Variants in WWOX observed in about 807,000 individuals in gnomAD.
The protein encoded by WWOX is WW domain-containing oxidoreductase.
WWOX carries 69 observed loss-of-function variants against 46.2 expected under a neutral mutation model. The observed-to-expected ratio is 1.49, with a 90% CI of 1.23 to 1.82. The LOEUF (loss-of-function observed/expected upper bound fraction) is 1.82, where lower values mean the gene tolerates loss of function less well. Among genes scored for constraint, WWOX ranks in the 40% most tolerant of loss-of-function variants. The pLI, the probability that WWOX is intolerant of heterozygous loss-of-function variation, is 0.00. For missense variants in WWOX, 919 were observed against 542.6 expected, an observed-to-expected ratio of 1.69 and a Z score of -6.89; for synonymous variants, 359 against 202.6, an observed-to-expected ratio of 1.77 and a Z score of -6.56.
chr16:78,762,571 G>A (rs1200487776), intron 8 of WWOX, among the ~76,000 whole-genome samples: 1 of 152,182 alleles, frequency 6.6e-6, no homozygotes, highest in Non-Finnish European at 1.5e-5. Context: ...GCCATGAGTC[G>A]AGGTGACACA....
chr16:78,903,627 C>G (rs1431278423), intron 8 of WWOX, among the ~76,000 whole-genome samples: 1 of 152,146 alleles, frequency 6.6e-6, no homozygotes, highest in Non-Finnish European at 1.5e-5. Flanking sequence ...TCTAAGAAGT[C>G]AGAGTGAAAT....
At chr16:78,315,597 C>A (rs553509473) in intron 5 of WWOX, among the ~76,000 whole-genome samples, 22 of 152,254 alleles carry the variant, frequency 1.4e-4, no homozygotes, top group African/African-American at 5.3e-4. Context: ...TTGTAGTGAG[C>A]TGAGATCATG....
At chr16:78,840,159 C>T (rs1050165788) in intron 8 of WWOX, among the ~76,000 whole-genome samples, 1 of 152,148 alleles carries the variant, frequency 6.6e-6, no homozygotes, top group African/African-American at 2.4e-5. Context: ...GACATTGCCT[C>T]CCAGTTGACC....
rs111752394 is a variant in WWOX, at chr16:79,199,092, T to C, written c.1057-12516T>C. ...TTATTTTATTTTTCAAGATGGAGTC[T>C]CATTCTGTCACCCAAGCTGGAGTGC... On this transcript the variant is annotated intron_variant, in intron 8 of 8. Coordinates refer to ENST00000566780, the MANE Select transcript of WWOX (RefSeq NM_016373.4). Among the ~76,000 whole-genome samples, 40 of 152,324 alleles carry C rather than the reference T, an allele frequency of 2.6e-4. 1 individual carries two copies. Among genetic ancestry groups the C allele is most frequent in the African/African-American group, 9.6e-4 (40 of 41,562 alleles).
intron 8 of WWOX, among the ~76,000 whole-genome samples, chr16:78,545,828 C>T (rs915815763): frequency 5.3e-5 from 8 of 152,172 alleles, no homozygotes; most frequent in South Asian, 2.1e-4. Context: ...TCTGTCCTCA[C>T]GTGGCCTTCC....
intron 8 of WWOX, among the ~76,000 whole-genome samples, chr16:79,053,015 A>T (rs2550678): frequency 6.9e-6 from 1 of 144,778 alleles, no homozygotes; most frequent in African/African-American, 2.6e-5. Flanking sequence ...TGGCAAAAGC[A>T]GGTGGGAACA....
At chr16:79,102,148 T>C (rs2049213085) in intron 8 of WWOX, among the ~76,000 whole-genome samples, 1 of 151,558 alleles carries the variant, frequency 6.6e-6, no homozygotes. Flanking sequence ...CTGGAGTGCT[T>C]ATAGTTTTTG....
At chr16:78,639,177 A>G (rs1274622325) in intron 8 of WWOX, among the ~76,000 whole-genome samples, 1 of 152,168 alleles carries the variant, frequency 6.6e-6, no homozygotes, top group Non-Finnish European at 1.5e-5. Context: ...AGTTTGGAAG[A>G]CTTGACTCCC....
intron 8 of WWOX, among the ~76,000 whole-genome samples, chr16:78,861,889 G>C (rs192580404): frequency 2.6e-5 from 4 of 152,178 alleles, no homozygotes; most frequent in Non-Finnish European, 5.9e-5. Context: ...GTAATATCCA[G>C]TGCAAGGCTA....
At chr16:78,705,678 T>C (rs535000933) in intron 8 of WWOX, among the ~76,000 whole-genome samples, 1 of 152,280 alleles carries the variant, frequency 6.6e-6, no homozygotes, top group South Asian at 2.1e-4. Context: ...GTTTATTTAG[T>C]TATTTATTTA....
intron 8 of WWOX, among the ~76,000 whole-genome samples, chr16:79,191,659 C>G (rs553142837): frequency 6.6e-6 from 1 of 152,280 alleles, no homozygotes; most frequent in African/African-American, 2.4e-5. Context: ...GAAATGTTTT[C>G]AAACTAGAGA....
chr16:78,860,985 T>G (rs964032411), intron 8 of WWOX, among the ~76,000 whole-genome samples: 1 of 151,974 alleles, frequency 6.6e-6, no homozygotes, highest in Non-Finnish European at 1.5e-5. Context: ...GCAACTAATT[T>G]TTTGTATTTT....
chr16:78,686,736 A>C (rs2047870311), intron 8 of WWOX, among the ~76,000 whole-genome samples: 1 of 152,196 alleles, frequency 6.6e-6, no homozygotes, highest in African/African-American at 2.4e-5. Context: ...TTATGTTTAT[A>C]AGCAACTCCA....
At position 78,888,264 on chromosome 16, in the gene WWOX, G is replaced by A. The variant is rs146522805; in HGVS notation, c.1057-323344G>A. On this transcript the variant is annotated intron_variant, in intron 8 of 8. Coordinates refer to ENST00000566780, the MANE Select transcript of WWOX (RefSeq NM_016373.4). ...TGCTTTGCTTCTCCCTTCTGAAAGTGACTTGAGAACCCACTTTGGGCTAGT... is the reference window on the plus strand; with the variant it reads ...TGCTTTGCTTCTCCCTTCTGAAAGTAACTTGAGAACCCACTTTGGGCTAGT... Among the ~76,000 whole-genome samples the A allele has an allele frequency of 5.2e-3, 796 of 152,322 alleles. 8 individuals carry two copies. The highest frequency in any genetic ancestry group is 7.0e-3 in the Non-Finnish European group (473 of 68,032).
At chr16:78,893,889 T>G (rs8059922) in intron 8 of WWOX, among the ~76,000 whole-genome samples, 7,294 of 152,226 alleles carry the variant, frequency 0.048, 621 homozygotes, top group African/African-American at 0.17. Context: ...ATTTTCTAGA[T>G]GCATCTTTTG....
At chr16:78,799,646 A>G (rs1046880866) in intron 8 of WWOX, among the ~76,000 whole-genome samples, 5 of 152,086 alleles carry the variant, frequency 3.3e-5, no homozygotes, top group Admixed American at 3.3e-4. Flanking sequence ...CTTGGAGCTC[A>G]TGTTCTGTGG....
intron 8 of WWOX, among the ~76,000 whole-genome samples, chr16:78,930,158 A>G (rs1308300058): frequency 6.6e-6 from 1 of 151,550 alleles, no homozygotes; most frequent in African/African-American, 2.4e-5. Flanking sequence ...TGGAAATGGG[A>G]GGAACTTGGG....
intron 5 of WWOX, among the ~76,000 whole-genome samples, chr16:78,357,711 C>T (rs1303971203): frequency 1.3e-5 from 2 of 152,194 alleles, no homozygotes; most frequent in Non-Finnish European, 2.9e-5. Context: ...ATCACTTCCA[C>T]ATGCCAGGCA....
At chr16:78,662,702 G>A (rs969802524) in intron 8 of WWOX, among the ~76,000 whole-genome samples, 3 of 152,224 alleles carry the variant, frequency 2.0e-5, no homozygotes, top group African/African-American at 7.2e-5. Context: ...ATCTCTTGCA[G>A]GCTGTAATTG....
Sources: gnomAD v4.1 joint callset for allele counts (sites outside exome capture counted in the v4.1 genomes callset) on GRCh38, gnomAD v4.1.1 for gene constraint, MANE v1.5 for transcripts, NCBI Gene and HGNC (gene_info 2026-07-23, HGNC 2026-07-21) for gene names.